The following FLNB variants were observed in gnomAD, a reference collection of about 807,000 sequenced individuals.
The protein encoded by FLNB is filamin-B.
In FLNB, 111 loss-of-function variants were observed where a neutral mutation model predicts 250.6. The observed-to-expected ratio is 0.44, with a 90% CI of 0.38 to 0.52. The LOEUF (loss-of-function observed/expected upper bound fraction) is 0.52. Among genes scored for constraint, FLNB ranks in the 20% least tolerant of loss-of-function variants. The pLI is 0.00. For synonymous variants in FLNB, 1,302 were observed against 1,372.1 expected (o/e 0.95, Z 1.13); for missense variants, 2,869 against 3,447.8 (o/e 0.83, Z 4.20).
chr3:58,084,642 C>T (rs2097214399), intron 4 of FLNB, among the ~76,000 whole-genome samples: 1 of 152,006 alleles, frequency 6.6e-6, no homozygotes, highest in African/African-American at 2.4e-5. Flanking sequence ...CTATTTTAAC[C>T]ATTTTTAAGT....
chr3:58,159,524 C>T, intron 41 of FLNB, 30 bp from the exon 42 acceptor site: 3 of 1,613,568 alleles, frequency 1.9e-6, no homozygotes, highest in Non-Finnish European at 2.5e-6. Flanking sequence ...CGCCGAGGGC[C>T]ATAACCTGTC....
chr3:58,010,132 G>A (rs1269388696), intron 1 of FLNB, among the ~76,000 whole-genome samples: 1 of 150,778 alleles, frequency 6.6e-6, no homozygotes, highest in Non-Finnish European at 1.5e-5. Context: ...ATGTGGGTGG[G>A]TGGGTGTGGG....
Position 58,148,270 on chromosome 3 carries a change from T to C in FLNB, c.5793T>C (p.Ser1931=), listed in dbSNP as rs950441641. The C allele has an allele frequency of 5.0e-6, 8 of 1,614,014 alleles. No individual in the cohort carries two copies. The highest frequency in any genetic ancestry group is 6.8e-6 in the Non-Finnish European group (8 of 1,180,028). ...GSAADFLLDI[S]ETDLSSLTAS... is the part of the protein sequence containing the mutation. ...CCGCTGACTTCCTGCTCGACATCAG[T>C]GAGACTGACCTCAGCAGCCTGACGG... Residue 1931 remains serine, a synonymous_variant, in exon 35 of 46, where the codon AGT becomes AGC. Coordinates refer to ENST00000295956, the MANE Select transcript of FLNB (RefSeq NM_001457.4).
rs1285192073 is a variant in FLNB at position 58,077,223 on chromosome 3, C to CCATCACCA, written c.471_478dup (p.Asn160ThrfsTer19). On this transcript the variant is annotated frameshift_variant, in exon 2 of 46. Coordinates refer to ENST00000295956, the MANE Select transcript of FLNB (RefSeq NM_001457.4). LOFTEE classifies it high-confidence loss of function. ...ATTCAGAACAAGATCCCCTACTTGC[C>CCATCACCA]CATCACCAACTTTAACCAGAACTGG... 6.2e-7 allele frequency: 1 copy of CCATCACCA among 1,614,034 alleles called. No individual in the cohort carries two copies. The highest frequency in any genetic ancestry group is 1.3e-5 in the African/African-American group (1 of 74,906).
chr3:58,039,730 T>C (rs2097143372), intron 1 of FLNB, among the ~76,000 whole-genome samples: 1 of 152,236 alleles, frequency 6.6e-6, no homozygotes, highest in Non-Finnish European at 1.5e-5. Flanking sequence ...CCATTCACTT[T>C]ATTGCCTCTT....
intron 43 of FLNB, among the ~76,000 whole-genome samples, chr3:58,168,125 C>T (rs2097373975): frequency 6.6e-6 from 1 of 152,244 alleles, no homozygotes; most frequent in Non-Finnish European, 1.5e-5. Flanking sequence ...TTCAGGCTCA[C>T]AGTGTGACTC....
At chr3:58,081,192 A>C (rs1281993269) in intron 3 of FLNB, among the ~76,000 whole-genome samples, 2 of 152,200 alleles carry the variant, frequency 1.3e-5, no homozygotes, top group East Asian at 3.8e-4. Flanking sequence ...AGTAGAGTTA[A>C]TACAGATACA....
Position 58,150,100 on chromosome 3 carries a change from T to C in FLNB, c.6245-5T>C, listed in dbSNP as rs1350216610. ...TGCTCACAGGAGCCTTCTTGGGTCT[T>C]GCAGGGAGCCCATTTACCGTGAAGA... is the stretch of plus-strand genomic sequence containing the variant. On this transcript the variant is annotated splice_region_variant and splice_polypyrimidine_tract_variant and intron_variant, in intron 37 of 45. Coordinates refer to ENST00000295956, the MANE Select transcript of FLNB (RefSeq NM_001457.4). 3.1e-6 allele frequency: 5 copies of C among 1,614,262 alleles called. No individual in the cohort carries two copies. The Admixed American group carries it at 8.3e-5, about 27-fold the overall frequency.
chr3:58,086,897 G>A (rs556266405), intron 4 of FLNB, among the ~76,000 whole-genome samples: 6 of 152,240 alleles, frequency 3.9e-5, no homozygotes, highest in African/African-American at 9.6e-5. Context: ...GGTGGATCAC[G>A]AGGTCAGGAG....
chr3:58,031,705 C>T lies in FLNB; in HGVS notation c.292+22849C>T, dbSNP rs376707782. Among the ~76,000 whole-genome samples the T allele has an allele frequency of 2.0e-5, 3 of 151,628 alleles. No homozygotes were observed. The East Asian group carries it at 5.8e-4, about 29-fold the overall frequency. The stretch of plus-strand genomic sequence containing the variant: ...TAGCTGGGACTACAGGTATGTGCCA[C>T]CAAGCCTGGCTAATTTTTCCATTTT... On this transcript the variant is annotated intron_variant, in intron 1 of 45. Transcript: ENST00000295956.
intron 1 of FLNB, among the ~76,000 whole-genome samples, chr3:58,070,209 T>C (rs1053884465): frequency 2.0e-5 from 3 of 151,790 alleles, no homozygotes; most frequent in Non-Finnish European, 4.4e-5. Flanking sequence ...CATTATGCCC[T>C]GCTAATTTTA....
intron 1 of FLNB, among the ~76,000 whole-genome samples, chr3:58,048,694 A>G (rs1161162517): frequency 1.3e-5 from 2 of 152,224 alleles, no homozygotes; most frequent in Non-Finnish European, 2.9e-5. Context: ...TTGAGACTAC[A>G]TGAATATCCT....
chr3:58,103,982 C>A lies in FLNB; in HGVS notation c.1507C>A (p.Gln503Lys), dbSNP rs892239105. The stretch of plus-strand genomic sequence containing the variant: ...AGAGGGTCTGGAGGAGCTGGTGAAG[C>A]AGAAAGACTTTCTGGATGGGGTCTA... ...GPKGLEELVK[Q>K]KDFLDGVYAF... The change falls in exon 10 of 46, where the codon CAG becomes AAG. Residue 503 changes from glutamine to lysine, a missense_variant. Physicochemically the swap from Gln to Lys is moderately conservative, Grantham distance 53. Around this residue, in one of 5 missense-constraint regions of FLNB, gnomAD observed 1,348 missense variants for 1,466.7 expected, o/e 0.92. Transcript: ENST00000295956. The A allele has an allele frequency of 1.2e-6, 2 of 1,613,966 alleles. No individual in the cohort carries two copies. The highest frequency in any genetic ancestry group is 1.3e-5 in the African/African-American group (1 of 74,912).
At chr3:58,082,031 TC>T (rs1164252392) in intron 4 of FLNB, among the ~76,000 whole-genome samples, 2 of 152,174 alleles carry the variant, frequency 1.3e-5, no homozygotes, top group Non-Finnish European at 2.9e-5. Flanking sequence ...AGCCCATTGC[TC>T]CCATTTTTCA....
intron 18 of FLNB, among the ~76,000 whole-genome samples, chr3:58,117,387 G>A (rs1291338807): frequency 1.3e-5 from 2 of 152,288 alleles, no homozygotes; most frequent in Non-Finnish European, 2.9e-5. Context: ...TATGGGATGG[G>A]TGGGCTTAAC....
At chr3:58,148,592 C>G (rs756521128) in intron 35 of FLNB, 57 bp from the exon 36 acceptor site, 18 of 1,466,676 alleles carry the variant, frequency 1.2e-5, no homozygotes, top group South Asian at 4.6e-5. Flanking sequence ...GAGTGTGTCT[C>G]TCTCCTGCTT....
At chr3:58,170,183 A>C (rs916521515) in intron 45 of FLNB, among the ~76,000 whole-genome samples, 42 of 152,176 alleles carry the variant, frequency 2.8e-4, no homozygotes, top group Non-Finnish European at 5.3e-4. Context: ...TACCTTCCTT[A>C]AGGTGCTTGT....
chr3:58,153,593 G>C lies in FLNB; in HGVS notation c.6586G>C (p.Val2196Leu). ...ACTTGGTGAAGGAGGCGCCCACAAG[G>C]TGCGGGCAGGAGGCCCTGGCCTGGA... The part of the protein sequence containing the change: ...GPLGEGGAHK[V>L]RAGGPGLERG... Residue 2196 changes from valine to leucine, a missense_variant, in exon 39 of 46, where the codon GTG (valine) becomes CTG (leucine). Val to Leu is a conservative substitution (Grantham distance 32). This residue lies in a region of FLNB where 1,084 missense variants were observed against 1,315.5 expected (regional missense o/e 0.82). Transcript: ENST00000295956. The C allele has an allele frequency of 1.2e-6, 2 of 1,614,148 alleles. No individual in the cohort carries two copies. The highest frequency in any genetic ancestry group is 2.2e-5 in the South Asian group (2 of 91,090).
At chr3:58,036,970 C>T (rs533351994) in intron 1 of FLNB, among the ~76,000 whole-genome samples, 22 of 151,980 alleles carry the variant, frequency 1.4e-4, no homozygotes, top group Non-Finnish European at 2.6e-4. Context: ...AATAGCACCC[C>T]GGCTATACTT....
Sources: gnomAD v4.1 joint callset for allele counts (sites outside exome capture counted in the v4.1 genomes callset) on GRCh38, gnomAD v4.1.1 for gene constraint, gnomAD v4.1.1 regional missense constraint, MANE v1.5 for transcripts, NCBI Gene and HGNC (gene_info 2026-07-23, HGNC 2026-07-21) for gene names.